Variants in ARHGAP6 observed in about 807,000 individuals in gnomAD.
The protein encoded by ARHGAP6 is rho GTPase-activating protein 6.
Under a neutral mutation model 55.7 loss-of-function variants are expected in ARHGAP6, and 16 were observed. The ratio of observed to expected loss-of-function variants is 0.29; its 90% confidence interval spans 0.19 to 0.44. The LOEUF (loss-of-function observed/expected upper bound fraction) is 0.44. ARHGAP6 is among the 20% of genes least tolerant of loss of function. ARHGAP6 has a pLI of 1.00. For synonymous variants in ARHGAP6, 382 were observed against 360.9 expected (o/e 1.06, Z -0.66); for missense variants, 698 against 808.9 (o/e 0.86, Z 1.66).
chrX:11,215,024 G>A (rs1287218844), intron 2 of ARHGAP6, among the ~76,000 whole-genome samples: 1 of 113,449 alleles, frequency 8.8e-6, no homozygotes, highest in Non-Finnish European at 1.9e-5. Context: ...AGGGCAGGCC[G>A]GGGTGGGCCA....
chrX:11,167,774 G>A (rs2046036023), intron 9 of ARHGAP6, among the ~76,000 whole-genome samples: 1 of 112,109 alleles, frequency 8.9e-6, no homozygotes, highest in African/African-American at 3.2e-5. Flanking sequence ...AGACTACTTG[G>A]CAAGATGATA....
intron 1 of ARHGAP6, among the ~76,000 whole-genome samples, chrX:11,516,153 G>A (rs892945702): frequency 1.8e-5 from 2 of 112,631 alleles, no homozygotes; most frequent in Non-Finnish European, 3.8e-5. Context: ...ATACTTGTCA[G>A]TCGAAAAGTT....
At chrX:11,407,462 T>A (rs1257329744) in intron 1 of ARHGAP6, among the ~76,000 whole-genome samples, 1 of 112,507 alleles carries the variant, frequency 8.9e-6, no homozygotes, top group Non-Finnish European at 1.9e-5. Context: ...TGCATTCATG[T>A]ATAAGTTTTT....
At chrX:11,327,795 G>T (rs1423501403) in intron 1 of ARHGAP6, among the ~76,000 whole-genome samples, 1 of 111,799 alleles carries the variant, frequency 8.9e-6, no homozygotes, top group Non-Finnish European at 1.9e-5. Flanking sequence ...ATAATCGTGT[G>T]CTACAGAGGA....
At chrX:11,426,109 T>C (rs1291796455) in intron 1 of ARHGAP6, among the ~76,000 whole-genome samples, 1 of 112,468 alleles carries the variant, frequency 8.9e-6, no homozygotes, top group Non-Finnish European at 1.9e-5. Flanking sequence ...CAAGTAACTA[T>C]AGAAAAACCA....
intron 1 of ARHGAP6, among the ~76,000 whole-genome samples, chrX:11,468,916 G>A (rs1410549095): frequency 8.9e-6 from 1 of 112,489 alleles, no homozygotes; most frequent in Admixed American, 9.4e-5. Flanking sequence ...AGGTATGAGG[G>A]TGGAGCCTTC....
At chrX:11,273,414 T>TA (rs200357210) in intron 1 of ARHGAP6, among the ~76,000 whole-genome samples, 19,239 of 101,305 alleles carry the variant, frequency 0.19, 1,425 homozygotes, top group Middle Eastern at 0.33. Flanking sequence ...ATTTCATTTG[T>TA]AAAAAAAAAA....
intron 1 of ARHGAP6, among the ~76,000 whole-genome samples, chrX:11,477,070 T>A (rs756966626): frequency 9.1e-6 from 1 of 110,046 alleles, no homozygotes; most frequent in Non-Finnish European, 1.9e-5. Flanking sequence ...ACAATACTTA[T>A]ATCAGACAAG....
rs529280612 is a variant in ARHGAP6, at chrX:11,291,585, T to C, written c.589-36878A>G. Among the ~76,000 whole-genome samples, 121 of 111,094 alleles carry C rather than the reference T, an allele frequency of 1.1e-3. 2 individuals carry two copies. The highest frequency in any genetic ancestry group is 4.7e-3 in the Middle Eastern group (1 of 215). On this transcript the variant is annotated intron_variant, in intron 1 of 12. Coordinates refer to ENST00000337414, the MANE Select transcript of ARHGAP6 (RefSeq NM_013427.3). ...CTCCAATATATGTAATTATATAAAATGGGGGAAAAAGATTGAAAGTGAATA... is the reference window on the plus strand; with the variant it reads ...CTCCAATATATGTAATTATATAAAACGGGGGAAAAAGATTGAAAGTGAATA...
At chrX:11,571,609 G>T (rs921710640) in intron 1 of ARHGAP6, among the ~76,000 whole-genome samples, 1 of 108,956 alleles carries the variant, frequency 9.2e-6, no homozygotes, top group Admixed American at 9.9e-5. Context: ...GGCTTTTCAG[G>T]TGTAAACTTG....
At chrX:11,524,600 A>G (rs1184682691) in intron 1 of ARHGAP6, among the ~76,000 whole-genome samples, 1 of 111,036 alleles carries the variant, frequency 9.0e-6, no homozygotes, top group African/African-American at 3.3e-5. Flanking sequence ...GACATTTGGG[A>G]CTGGATAATT....
intron 1 of ARHGAP6, among the ~76,000 whole-genome samples, chrX:11,479,985 A>G (rs2050440358): frequency 9.0e-6 from 1 of 111,574 alleles, no homozygotes; most frequent in South Asian, 3.8e-4. Flanking sequence ...AATGAAAGGA[A>G]GGCTGGGCAA....
intron 1 of ARHGAP6, among the ~76,000 whole-genome samples, chrX:11,295,628 C>T (rs1014653222): frequency 3.6e-5 from 4 of 110,882 alleles, no homozygotes; most frequent in Admixed American, 9.6e-5. Context: ...TCCTCTCTTC[C>T]TCTCTCACCC....
intron 1 of ARHGAP6, among the ~76,000 whole-genome samples, chrX:11,275,957 C>G (rs773743367): frequency 1.8e-5 from 2 of 111,673 alleles, no homozygotes; most frequent in African/African-American, 3.3e-5. Flanking sequence ...ATCTAAAACA[C>G]AAACAAGTTT....
intron 1 of ARHGAP6, among the ~76,000 whole-genome samples, chrX:11,269,980 G>C (rs1254471313): frequency 8.9e-6 from 1 of 111,920 alleles, no homozygotes; most frequent in African/African-American, 3.2e-5. Context: ...CCATGAATCT[G>C]AAACAGTCAA....
intron 1 of ARHGAP6, among the ~76,000 whole-genome samples, chrX:11,297,293 A>C (rs1297960815): frequency 8.9e-6 from 1 of 112,105 alleles, no homozygotes; most frequent in Non-Finnish European, 1.9e-5. Context: ...GAGACTCCGC[A>C]GAACAGCGGA....
chrX:11,281,335 G>T (rs2047852623), intron 1 of ARHGAP6, among the ~76,000 whole-genome samples: 1 of 111,056 alleles, frequency 9.0e-6, no homozygotes. Context: ...TCTGGCACAG[G>T]TGTGTTCACT....
chrX:11,309,536 C>A (rs1263479892), intron 1 of ARHGAP6, among the ~76,000 whole-genome samples: 1 of 110,563 alleles, frequency 9.0e-6, no homozygotes, highest in Non-Finnish European at 1.9e-5. Flanking sequence ...GCTGAAAGCC[C>A]CCAAGCACCC....
At chrX:11,625,025 G>C (rs111253470) in intron 1 of ARHGAP6, among the ~76,000 whole-genome samples, 3,443 of 112,088 alleles carry the variant, frequency 0.031, 70 homozygotes, top group Middle Eastern at 0.07. Flanking sequence ...CGGATGGAAT[G>C]TGGAGAAAAG....
Sources: gnomAD v4.1 joint callset for allele counts (sites outside exome capture counted in the v4.1 genomes callset) on GRCh38, gnomAD v4.1.1 for gene constraint, MANE v1.5 for transcripts, NCBI Gene and HGNC (gene_info 2026-07-23, HGNC 2026-07-21) for gene names.